Variants in CTIF observed in about 807,000 individuals in gnomAD.
CTIF encodes the protein CBP80/20-dependent translation initiation factor.
Under a neutral mutation model 66.0 loss-of-function variants are expected in CTIF, and 21 were observed. That is an observed-to-expected ratio of 0.32 (90% confidence interval 0.23 to 0.46). CTIF has a LOEUF of 0.46. CTIF is among the 20% of genes least tolerant of loss of function. CTIF has a pLI of 1.00. For missense variants in CTIF, 739 were observed against 812.7 expected (o/e 0.91, Z 1.10); for synonymous variants, 345 against 326.4 (o/e 1.06, Z -0.62).
intron 1 of CTIF, among the ~76,000 whole-genome samples, chr18:48,541,439 G>A (rs1599111836): frequency 6.6e-6 from 1 of 152,232 alleles, no homozygotes; most frequent in African/African-American, 2.4e-5. Context: ...GCGCAGGGAG[G>A]GGCCGCCGGC....
At chr18:48,556,877 T>C (rs1409301005) in intron 1 of CTIF, among the ~76,000 whole-genome samples, 2 of 152,184 alleles carry the variant, frequency 1.3e-5, no homozygotes, top group African/African-American at 2.4e-5. Flanking sequence ...CTCACTGGCA[T>C]TGTGACCTTA....
chr18:48,599,553 G>A (rs2090052078), intron 1 of CTIF, among the ~76,000 whole-genome samples: 1 of 152,140 alleles, frequency 6.6e-6, no homozygotes, highest in Non-Finnish European at 1.5e-5. Context: ...GGTGTCATGA[G>A]CAATCCCGGG....
chr18:48,687,986 C>A (rs1271589008), intron 6 of CTIF, among the ~76,000 whole-genome samples: 1 of 152,232 alleles, frequency 6.6e-6, no homozygotes, highest in Non-Finnish European at 1.5e-5. Flanking sequence ...CTGAAAACCG[C>A]TTGTGTAGAA....
intron 6 of CTIF, among the ~76,000 whole-genome samples, chr18:48,675,920 T>G (rs1423413431): frequency 6.6e-6 from 1 of 152,224 alleles, no homozygotes; most frequent in African/African-American, 2.4e-5. Flanking sequence ...TGAATTAACT[T>G]GACTAAGTTC....
At chr18:48,567,149 C>A (rs113077509) in intron 1 of CTIF, 1 of 152,140 alleles carries the variant, frequency 6.6e-6, no homozygotes. Context: ...AGAAGTCTTT[C>A]TTTAAAGAAA....
chr18:48,600,623 G>A (rs183146852), intron 1 of CTIF, among the ~76,000 whole-genome samples: 5 of 152,002 alleles, frequency 3.3e-5, no homozygotes, highest in Non-Finnish European at 7.4e-5. Context: ...CCAGAGCAAA[G>A]GCTACTGGGT....
At chr18:48,849,120 G>A (rs1011787796) in intron 10 of CTIF, among the ~76,000 whole-genome samples, 3 of 151,218 alleles carry the variant, frequency 2.0e-5, no homozygotes, top group East Asian at 1.9e-4. Context: ...GATGCAGCTC[G>A]TCTTCCAGAG....
At chr18:48,596,858 T>C (rs72925539) in intron 1 of CTIF, among the ~76,000 whole-genome samples, 1,787 of 152,356 alleles carry the variant, frequency 0.012, 16 homozygotes, top group South Asian at 0.026. Context: ...CTGCAAAATG[T>C]AGTTTTTCTC....
rs1231774889 is a variant in CTIF at position 48,859,067 on chromosome 18, G to A, written c.1582-277G>A. The stretch of plus-strand genomic sequence containing the variant: ...AGGCTCTTGGGTAAAAGGGACAAGA[G>A]GCATGTTCCTGGTGACAGCTCTTTC... On this transcript the variant is annotated intron_variant, in intron 11 of 11. Transcript: ENST00000256413. Among the ~76,000 whole-genome samples the A allele has an allele frequency of 4.6e-5, 7 of 152,328 alleles. No individual in the cohort carries two copies. In the East Asian group the frequency reaches 1.3e-3, roughly 29 times the overall value.
intron 10 of CTIF, among the ~76,000 whole-genome samples, chr18:48,835,228 G>A (rs2068783342): frequency 6.6e-6 from 1 of 152,176 alleles, no homozygotes; most frequent in African/African-American, 2.4e-5. Context: ...TTTTTATGGT[G>A]TCTTTATTGG....
intron 7 of CTIF, among the ~76,000 whole-genome samples, chr18:48,753,368 A>AT (rs1192501010): frequency 6.6e-6 from 1 of 152,196 alleles, no homozygotes; most frequent in Non-Finnish European, 1.5e-5. Context: ...ACAGAGGGAC[A>AT]TTTGTCTCCA....
chr18:48,771,026 A>G (rs1910063766), intron 9 of CTIF, among the ~76,000 whole-genome samples: 1 of 151,986 alleles, frequency 6.6e-6, no homozygotes, highest in Non-Finnish European at 1.5e-5. Flanking sequence ...ATGTGGAACA[A>G]TGAGGGCAGG....
rs551404433 is a variant in CTIF at position 48,830,820 on chromosome 18, T to C, written c.1527+13444T>C. Among the ~76,000 whole-genome samples the C allele has an allele frequency of 1.3e-4, 19 of 150,978 alleles. 1 individual carries two copies. The highest frequency in any genetic ancestry group is 3.4e-3 in the Middle Eastern group (1 of 294). Reference sequence around the variant, plus strand: ...TTCATTGCCCTACTAGTGCCTGGCTTGGAGTTTTCTTTGTTAATCGCTTAT... The same window carrying C: ...TTCATTGCCCTACTAGTGCCTGGCTCGGAGTTTTCTTTGTTAATCGCTTAT... On this transcript the variant is annotated intron_variant, in intron 10 of 11. Coordinates refer to ENST00000256413, the MANE Select transcript of CTIF (RefSeq NM_014772.3).
chr18:48,857,736 A>G, intron 11 of CTIF, 95 bp downstream of exon 11: 7 of 1,199,988 alleles, frequency 5.8e-6, no homozygotes, highest in Non-Finnish European at 8.2e-6. Flanking sequence ...GGAGGCATTT[A>G]CAAGTCCAGG....
chr18:48,652,628 T>A (rs1400653266), intron 3 of CTIF, among the ~76,000 whole-genome samples: 1 of 152,208 alleles, frequency 6.6e-6, no homozygotes, highest in African/African-American at 2.4e-5. Flanking sequence ...TAACTCATTT[T>A]ATAAGGCCAG....
chr18:48,702,249 G>T (rs967805716), intron 6 of CTIF, among the ~76,000 whole-genome samples: 2 of 152,216 alleles, frequency 1.3e-5, no homozygotes, highest in Non-Finnish European at 2.9e-5. Flanking sequence ...TTCCCTTGGA[G>T]CATCCAAGGA....
chr18:48,822,117 T>C (rs2068496120), intron 10 of CTIF, among the ~76,000 whole-genome samples: 1 of 152,254 alleles, frequency 6.6e-6, no homozygotes, highest in South Asian at 2.1e-4. Flanking sequence ...AGTAATGTCA[T>C]CAGAGTTCAT....
At chr18:48,598,846 A>T (rs1045628757) in intron 1 of CTIF, among the ~76,000 whole-genome samples, 2 of 152,222 alleles carry the variant, frequency 1.3e-5, no homozygotes, top group Non-Finnish European at 2.9e-5. Flanking sequence ...GAACGGAGAC[A>T]CTGTGATTAG....
chr18:48,555,722 G>C (rs1230496223), intron 1 of CTIF, among the ~76,000 whole-genome samples: 1 of 152,336 alleles, frequency 6.6e-6, no homozygotes, highest in East Asian at 1.9e-4. Context: ...CTGTGACATG[G>C]ACATATTGGA....
Sources: allele counts gnomAD v4.1 joint callset (sites outside exome capture counted in the v4.1 genomes callset), GRCh38; gene constraint gnomAD v4.1.1; transcripts MANE v1.5; gene names NCBI Gene and HGNC (gene_info 2026-07-23, HGNC 2026-07-21).